The following MAP3K13 variants were observed in gnomAD, a reference collection of about 807,000 sequenced individuals.
MAP3K13 encodes the protein mitogen-activated protein kinase kinase kinase 13.
Under a neutral mutation model 104.0 loss-of-function variants are expected in MAP3K13, and 52 were observed. That is an observed-to-expected ratio of 0.50 (90% CI 0.40 to 0.63). The LOEUF is 0.63. Ranked by LOEUF, MAP3K13 falls within the 20% of genes least tolerant of loss-of-function variation. The probability of loss-of-function intolerance (pLI) is 0.00; values close to 1 mark genes in which losing one functional copy is unlikely to be tolerated. For synonymous variants in MAP3K13, 394 were observed against 442.2 expected (o/e 0.89, Z 1.37); for missense variants, 914 against 1,218.5 (o/e 0.75, Z 3.72).
intron 2 of MAP3K13, among the ~76,000 whole-genome samples, chr3:185,340,402 G>C (rs1363384887): frequency 1.3e-5 from 2 of 152,148 alleles, no homozygotes; most frequent in Non-Finnish European, 2.9e-5. Context: ...CATTTGACTA[G>C]AGTGAATATT....
At position 185,466,158 on chromosome 3, in the gene MAP3K13, C is replaced by A. The variant is rs556165484; in HGVS notation, c.1505+295C>A. Among the ~76,000 whole-genome samples the A allele has an allele frequency of 2.6e-5, 4 of 152,256 alleles. No homozygotes were observed. The East Asian group carries it at 7.7e-4, about 29-fold the overall frequency. ...GTGAAGACCGGGGAGCCGATTGCCCCCTGGGGAAATGTATTGGCTGCTGAA... is the reference window on the plus strand; with the variant it reads ...GTGAAGACCGGGGAGCCGATTGCCCACTGGGGAAATGTATTGGCTGCTGAA... On this transcript the variant is annotated intron_variant, in intron 9 of 13. Transcript: ENST00000265026.
At chr3:185,474,160 TA>T (rs568814367) in intron 11 of MAP3K13, among the ~76,000 whole-genome samples, 12 of 151,496 alleles carry the variant, frequency 7.9e-5, no homozygotes. Flanking sequence ...CTGTCTCTAC[TA>T]AAAAAAATAC....
chr3:185,447,991 A>G (rs1302800292), intron 5 of MAP3K13, 44 bp downstream of exon 5: 1 of 1,574,866 alleles, frequency 6.3e-7, no homozygotes, highest in East Asian at 2.3e-5. Flanking sequence ...GCCTTTTCCC[A>G]CTTTCGCCCT....
intron 2 of MAP3K13, among the ~76,000 whole-genome samples, chr3:185,291,100 G>A (rs1720719084): frequency 6.6e-6 from 1 of 152,144 alleles, no homozygotes; most frequent in Non-Finnish European, 1.5e-5. Flanking sequence ...TCTATTTGAA[G>A]GCATTGTTTC....
intron 1 of MAP3K13, among the ~76,000 whole-genome samples, chr3:185,402,538 TG>T (rs1480298855): frequency 1.3e-5 from 2 of 152,236 alleles, no homozygotes; most frequent in Non-Finnish European, 2.9e-5. Context: ...AAAATCATAA[TG>T]TTCTCGCCTT....
rs191378920 is a variant in MAP3K13, at chr3:185,357,363, G to C, written c.-85-71134G>C. On this transcript the variant is annotated intron_variant, in intron 2 of 14. Coordinates refer to the MAP3K13 transcript ENST00000424227. ...CTCAGGAGGCTGAGGCAGGAGAATT[G>C]CTTGAACCCGGGAGGCGGAGGTTAC... is the stretch of plus-strand genomic sequence containing the variant. Among the ~76,000 whole-genome samples, 5 of 148,438 alleles carry C rather than the reference G, an allele frequency of 3.4e-5. No homozygotes were observed. In the East Asian group the frequency reaches 1.0e-3, roughly 30 times the overall value.
At position 185,485,991 on chromosome 3, in the gene MAP3K13, C is replaced by T. The variant is rs1718698737; in HGVS notation, c.*3535C>T. Reference sequence around the variant, plus strand: ...CCTCTTGACTTCAGATCTCACTGTACTGTAAATCTCTCTGGTTCATTATTC... The same window carrying T: ...CCTCTTGACTTCAGATCTCACTGTATTGTAAATCTCTCTGGTTCATTATTC... On this transcript the variant is annotated 3_prime_UTR_variant, in exon 14 of 14. Transcript: ENST00000265026. 6.6e-6 allele frequency: 1 copy of T among 152,220 alleles called. No homozygotes were observed. Among genetic ancestry groups the T allele is most frequent in the African/African-American group, 2.4e-5 (1 of 41,466 alleles). 9.4% of individuals were successfully genotyped at this position (152,220 alleles called of 1,614,324 possible).
intron 2 of MAP3K13, among the ~76,000 whole-genome samples, chr3:185,353,251 A>G (rs1248896964): frequency 1.3e-5 from 2 of 152,244 alleles, no homozygotes; most frequent in Non-Finnish European, 2.9e-5. Context: ...GCAATGAACA[A>G]TTTGTGAACT....
Position 185,418,091 on chromosome 3 carries a change from G to C in MAP3K13, c.-85-10406G>C. 3.7e-6 allele frequency: 6 copies of C among 1,611,658 alleles called. No homozygotes were observed. In the South Asian group the frequency reaches 6.6e-5, roughly 18 times the overall value. ...AAAATGTTCAGCTTGCTTACATTAA[G>C]CAGAGTAATTCCAGGGATGTTTCTG... On this transcript the variant is annotated intron_variant, in intron 1 of 13. Coordinates refer to ENST00000265026, the MANE Select transcript of MAP3K13 (RefSeq NM_004721.5). The surrounding 1 kb of genome is among the most constrained non-coding windows in gnomAD (Gnocchi z 4.5).
chr3:185,335,650 T>A (rs374040255), intron 2 of MAP3K13, among the ~76,000 whole-genome samples: 1 of 152,236 alleles, frequency 6.6e-6, no homozygotes, highest in Non-Finnish European at 1.5e-5. Context: ...ATAAAACCTA[T>A]GTAACCTATG....
rs115985493 is a variant in MAP3K13 at position 185,392,048 on chromosome 3, A to G, written c.-86+28680A>G. 9.0e-3 allele frequency among the ~76,000 whole-genome samples: 1,370 copies of G among 152,282 alleles called. 30 individuals are homozygous for G. The highest frequency in any genetic ancestry group is 0.031 in the African/African-American group (1,285 of 41,544). ...GACTTTCAGAATATGTTCTTGCATG[A>G]CTTTTACATGCTATGCTATGCCCTG... is the stretch of plus-strand genomic sequence containing the variant. On this transcript the variant is annotated intron_variant, in intron 1 of 13. Coordinates refer to ENST00000265026, the MANE Select transcript of MAP3K13 (RefSeq NM_004721.5).
intron 1 of MAP3K13, among the ~76,000 whole-genome samples, chr3:185,403,765 G>A (rs1395374968): frequency 6.6e-6 from 1 of 152,142 alleles, no homozygotes. Context: ...CTAATGGCTG[G>A]TTTATCCATC....
Position 185,484,519 on chromosome 3 carries a change from G to A in MAP3K13, c.*2063G>A, listed in dbSNP as rs1011259306. 2.6e-5 allele frequency: 4 copies of A among 152,132 alleles called. No individual in the cohort carries two copies. Among genetic ancestry groups the A allele is most frequent in the Non-Finnish European group, 5.9e-5 (4 of 68,024 alleles). The allele number at this position is 152,132 out of a possible 1,614,324, so 9.4% of individuals were successfully genotyped here. On this transcript the variant is annotated 3_prime_UTR_variant, in exon 14 of 14. Coordinates refer to ENST00000265026, the MANE Select transcript of MAP3K13 (RefSeq NM_004721.5). ...CACATGAAAATGTTGCCGCTCCTCT[G>A]GGTTTTACTGATTGCATCAGCCAAA...
chr3:185,451,543 A>C (rs1219838520), intron 7 of MAP3K13, 148 bp downstream of exon 7: 8 of 588,666 alleles, frequency 1.4e-5, no homozygotes, highest in Non-Finnish European at 2.1e-5. Flanking sequence ...TACTTCACAC[A>C]TATGACATCT....
chr3:185,341,461 C>G (rs1368615434), intron 2 of MAP3K13, among the ~76,000 whole-genome samples: 1 of 152,142 alleles, frequency 6.6e-6, no homozygotes, highest in Non-Finnish European at 1.5e-5. Context: ...GCCTCTAGAA[C>G]TGTAAAAGAA....
chr3:185,451,085 G>A (rs888582880), intron 6 of MAP3K13, among the ~76,000 whole-genome samples: 4 of 151,980 alleles, frequency 2.6e-5, no homozygotes, highest in Non-Finnish European at 2.9e-5. Context: ...GCGAGACTCC[G>A]TCTCAAAAAA....
intron 3 of MAP3K13, 122 bp from the exon 4 acceptor site, chr3:185,443,323 T>C (rs1715424495): frequency 4.6e-6 from 3 of 646,822 alleles, no homozygotes; most frequent in Non-Finnish European, 5.1e-6. Context: ...TCAGGAACTA[T>C]TATCTATACA....
At chr3:185,302,199 T>A (rs1349266882) in intron 2 of MAP3K13, among the ~76,000 whole-genome samples, 1 of 151,134 alleles carries the variant, frequency 6.6e-6, no homozygotes, top group Non-Finnish European at 1.5e-5. Context: ...GGTCAGGAGT[T>A]CGAGACCAGC....
At chr3:185,317,482 A>G (rs1340072840) in intron 2 of MAP3K13, among the ~76,000 whole-genome samples, 1 of 152,202 alleles carries the variant, frequency 6.6e-6, no homozygotes, top group African/African-American at 2.4e-5. Context: ...TAGAAATTCT[A>G]AAGTAAAACA....
Sources: allele counts gnomAD v4.1 joint callset (sites outside exome capture counted in the v4.1 genomes callset), GRCh38; gene constraint gnomAD v4.1.1; non-coding constraint Gnocchi (gnomAD v3.1); transcripts MANE v1.5; gene names NCBI Gene and HGNC (gene_info 2026-07-23, HGNC 2026-07-21).